GLRA2: variants seen among roughly 807,000 people sequenced by gnomAD.
GLRA2 encodes the protein glycine receptor subunit alpha-2.
Under a neutral mutation model 31.6 loss-of-function variants are expected in GLRA2, and 11 were observed. The observed-to-expected ratio is 0.35, with a 90% confidence interval of 0.22 to 0.58. The LOEUF is 0.58. Ranked by LOEUF, GLRA2 falls within the 20% of genes least tolerant of loss-of-function variation. The probability of loss-of-function intolerance (pLI) is 0.84; values close to 1 mark genes in which losing one functional copy is unlikely to be tolerated. For synonymous variants in GLRA2, 132 were observed against 134.0 expected, an observed-to-expected ratio of 0.99 and a Z score of 0.10; for missense variants, 212 against 351.8, an observed-to-expected ratio of 0.60 and a Z score of 3.18.
chrX:14,696,238 G>A (rs1218674415), intron 8 of GLRA2, among the ~76,000 whole-genome samples: 1 of 104,956 alleles, frequency 9.5e-6, no homozygotes, highest in Non-Finnish European at 2.0e-5. Flanking sequence ...GAGGGAGGGA[G>A]GGACGGAAGT....
chrX:14,695,062 G>T, intron 8 of GLRA2, among the ~76,000 whole-genome samples: 1 of 111,286 alleles, frequency 9.0e-6, no homozygotes, highest in Non-Finnish European at 1.9e-5. Context: ...TCAAGAAAGG[G>T]ATAAAATCTG....
chrX:14,464,946 T>C, the GLRA2 span, among the ~76,000 whole-genome samples: 1 of 112,226 alleles, frequency 8.9e-6, no homozygotes, highest in Non-Finnish European at 1.9e-5. Flanking sequence ...GCCCCCAGTT[T>C]TGTTCTTTTT....
At chrX:14,607,374 A>G in intron 6 of GLRA2, 106 bp downstream of exon 6, 1 of 670,265 alleles carries the variant, frequency 1.5e-6, no homozygotes, top group Non-Finnish European at 2.2e-6. Flanking sequence ...TTACCAGGCA[A>G]ATAGACCTAT....
At chrX:14,727,978 T>C (rs1214658348) in intron 8 of GLRA2, among the ~76,000 whole-genome samples, 1 of 112,303 alleles carries the variant, frequency 8.9e-6, no homozygotes, top group East Asian at 2.8e-4. Flanking sequence ...AAATCCTTTA[T>C]TATATTTTGT....
intron 5 of GLRA2, among the ~76,000 whole-genome samples, chrX:14,605,140 C>A (rs1480707003): frequency 8.9e-6 from 1 of 111,789 alleles, no homozygotes; most frequent in Non-Finnish European, 1.9e-5. Context: ...CTTGGTCTAT[C>A]AGTTTCTCTG....
chrX:14,583,361 G>A (rs770836898), intron 4 of GLRA2, among the ~76,000 whole-genome samples: 86 of 112,663 alleles, frequency 7.6e-4, no homozygotes, highest in African/African-American at 2.6e-3. Flanking sequence ...ACACATGCAC[G>A]TGTATGTATG....
chrX:14,661,097 C>CATGAATGA (rs552553651), intron 7 of GLRA2, among the ~76,000 whole-genome samples: 14 of 108,374 alleles, frequency 1.3e-4, no homozygotes, highest in South Asian at 1.2e-3. Flanking sequence ...AAAGATGCTA[C>CATGAATGA]ATGAATGAAT....
At chrX:14,639,412 A>G (rs2090749576) in intron 7 of GLRA2, among the ~76,000 whole-genome samples, 1 of 112,372 alleles carries the variant, frequency 8.9e-6, no homozygotes, top group Admixed American at 9.4e-5. Flanking sequence ...AGAATTTCCC[A>G]ATGGAGGAAA....
chrX:14,572,617 G>A (rs1186439028), intron 2 of GLRA2, among the ~76,000 whole-genome samples: 1 of 112,416 alleles, frequency 8.9e-6, no homozygotes, highest in African/African-American at 3.2e-5. Flanking sequence ...TGACCATGGA[G>A]AAGAATTCAT....
chrX:14,685,537 T>G (rs1195174183), intron 7 of GLRA2, among the ~76,000 whole-genome samples: 12 of 111,719 alleles, frequency 1.1e-4, no homozygotes, highest in African/African-American at 3.9e-4. Flanking sequence ...TTCCTGGTTT[T>G]GTCTTGGGAG....
chrX:14,584,674 C>T (rs1379599306), intron 4 of GLRA2, among the ~76,000 whole-genome samples: 2 of 112,057 alleles, frequency 1.8e-5, no homozygotes, highest in Non-Finnish European at 3.8e-5. Context: ...TTTAAGGAAA[C>T]ACAAAACATT....
At chrX:14,630,940 T>G (rs1027050769) in intron 7 of GLRA2, among the ~76,000 whole-genome samples, 1 of 109,870 alleles carries the variant, frequency 9.1e-6, no homozygotes, top group African/African-American at 3.3e-5. Flanking sequence ...CATGGCAGAA[T>G]GCAGAATGGC....
intron 8 of GLRA2, among the ~76,000 whole-genome samples, chrX:14,713,146 T>C (rs2091736821): frequency 8.9e-6 from 1 of 112,015 alleles, no homozygotes; most frequent in Non-Finnish European, 1.9e-5. Flanking sequence ...GTCAGAATCA[T>C]CCAAGTTAGT....
chrX:14,677,640 T>A (rs770743443), intron 7 of GLRA2, among the ~76,000 whole-genome samples: 2 of 112,162 alleles, frequency 1.8e-5, no homozygotes, highest in South Asian at 7.4e-4. Flanking sequence ...TTTTCCACCT[T>A]ATAACACTAT....
chrX:14,675,784 A>G lies in GLRA2; in HGVS notation c.931-14926A>G, dbSNP rs1445542057. On this transcript the variant is annotated intron_variant, in intron 7 of 8. Transcript: ENST00000218075. ...TATAAACATGAAATTGTACAGCACC[A>G]TGAATCTTTGGCACCAGGATTAACT... Among the ~76,000 whole-genome samples, 4 of 112,008 alleles carry G rather than the reference A, an allele frequency of 3.6e-5. No individual in the cohort carries two copies. The Admixed American group carries it at 3.8e-4, about 11-fold the overall frequency.
At chrX:14,633,826 CACTT>C (rs200932185) in intron 7 of GLRA2, among the ~76,000 whole-genome samples, 23,186 of 110,174 alleles carry the variant, frequency 0.21, 2,173 homozygotes, top group Non-Finnish European at 0.3. Flanking sequence ...CATGAAAACT[CACTT>C]ACTATCATGA....
intron 7 of GLRA2, among the ~76,000 whole-genome samples, chrX:14,679,095 C>A (rs1442875639): frequency 9.0e-6 from 1 of 110,572 alleles, no homozygotes; most frequent in Admixed American, 9.7e-5. Context: ...TAGCGCTCAA[C>A]ATACACACCA....
At chrX:14,675,974 A>G (rs749105629) in intron 7 of GLRA2, among the ~76,000 whole-genome samples, 15 of 112,464 alleles carry the variant, frequency 1.3e-4, no homozygotes, top group Non-Finnish European at 2.3e-4. Context: ...AATGGAAAGC[A>G]TGATGGTATA....
chrX:14,513,559 A>T, the GLRA2 span, among the ~76,000 whole-genome samples: 1 of 111,732 alleles, frequency 8.9e-6, no homozygotes. Flanking sequence ...AACTAAAACA[A>T]ATTAGCATAA....
Sources: allele counts gnomAD v4.1 joint callset (sites outside exome capture counted in the v4.1 genomes callset), GRCh38; gene constraint gnomAD v4.1.1; transcripts MANE v1.5; gene names NCBI Gene and HGNC (gene_info 2026-07-23, HGNC 2026-07-21).